LHPP: variants seen among roughly 807,000 people sequenced by gnomAD.
LHPP encodes hLHPP.
A neutral mutation model predicts 30.3 loss-of-function variants in LHPP; 24 were observed. The ratio of observed to expected loss-of-function variants is 0.79; its 90% CI spans 0.57 to 1.11. The LOEUF (loss-of-function observed/expected upper bound fraction) is 1.11, where lower values mean the gene tolerates loss of function less well. Among genes scored for constraint, LHPP ranks in the 50% most tolerant of loss-of-function variants. LHPP has a pLI of 0.00. For synonymous variants in LHPP, 150 were observed against 157.1 expected, an observed-to-expected ratio of 0.95 and a Z score of 0.34; for missense variants, 356 against 367.2, an observed-to-expected ratio of 0.97 and a Z score of 0.25.
At chr10:124,530,572 A>AC (rs1954874537) in intron 6 of LHPP, among the ~76,000 whole-genome samples, 1 of 147,168 alleles carries the variant, frequency 6.8e-6, no homozygotes, top group Admixed American at 6.7e-5. Context: ...TCACGCCCAG[A>AC]CCCCCCCACG....
intron 6 of LHPP, among the ~76,000 whole-genome samples, chr10:124,577,597 G>A (rs1447884001): frequency 9.6e-6 from 1 of 104,574 alleles, no homozygotes; most frequent in Non-Finnish European, 2.3e-5. Flanking sequence ...ATTTTGAAAT[G>A]TCACCCTGTG....
intron 1 of LHPP, among the ~76,000 whole-genome samples, chr10:124,468,094 C>T (rs1048862351): frequency 1.3e-5 from 2 of 152,140 alleles, no homozygotes; most frequent in Non-Finnish European, 2.9e-5. Flanking sequence ...TGGGAAATGT[C>T]ACAGGCTTCT....
chr10:124,612,516 GC>G (rs1270942107), intron 6 of LHPP, among the ~76,000 whole-genome samples: 1 of 152,116 alleles, frequency 6.6e-6, no homozygotes, highest in Non-Finnish European at 1.5e-5. Context: ...GCTCCTGCCT[GC>G]CTTCAGGACT....
At chr10:124,546,706 G>A (rs563418356) in intron 6 of LHPP, among the ~76,000 whole-genome samples, 9 of 152,248 alleles carry the variant, frequency 5.9e-5, no homozygotes, top group South Asian at 2.1e-4. Flanking sequence ...CACCGCGCCC[G>A]CCTCATGCGG....
In LHPP at chr10:124,613,722, A is replaced by C; in HGVS notation, c.*362A>C. 9.6e-6 allele frequency: 3 copies of C among 313,988 alleles called. No homozygotes were observed. Among genetic ancestry groups the C allele is most frequent in the South Asian group, 4.3e-5 (1 of 23,212 alleles). The allele number at this position is 313,988 out of a possible 1,614,324, so 19.5% of individuals were successfully genotyped here. On this transcript the variant is annotated 3_prime_UTR_variant, in exon 7 of 7. Transcript: ENST00000368842. Reference sequence around the variant, plus strand: ...CTCACCACTCACCATGGGCCTTTAAATGCAGTAAACTCCACCTAACCAGAT... The same window carrying C: ...CTCACCACTCACCATGGGCCTTTAACTGCAGTAAACTCCACCTAACCAGAT...
rs533783543 is a variant in LHPP, at chr10:124,607,672, G to A, written c.717-5592G>A. ...ACCTGGGGAAGGTGTCCAAGGAGGG[G>A]GTCCTGGGGGCCAGTCCCCCGGGGG... On this transcript the variant is annotated intron_variant, in intron 6 of 6. Coordinates refer to ENST00000368842, the MANE Select transcript of LHPP (RefSeq NM_022126.4). Among the ~76,000 whole-genome samples, 305 of 152,252 alleles carry A rather than the reference G, an allele frequency of 2.0e-3. 2 individuals carry two copies. Among genetic ancestry groups the A allele is most frequent in the Non-Finnish European group, 2.1e-3 (142 of 68,020 alleles).
At position 124,611,473 on chromosome 10, in the gene LHPP, GC is replaced by G. The variant is rs530636097; in HGVS notation, c.717-1787del. 2.7e-3 allele frequency among the ~76,000 whole-genome samples: 415 copies of G among 152,100 alleles called. 3 individuals carry two copies. Among genetic ancestry groups the G allele is most frequent in the Middle Eastern group, 0.01 (3 of 294 alleles). On this transcript the variant is annotated intron_variant, in intron 6 of 6. Coordinates refer to ENST00000368842, the MANE Select transcript of LHPP (RefSeq NM_022126.4). ...CTGTGCAGGAGGGGAAGCGGCCGTA[GC>G]CCCATACAAGCAGGTGGGCAAGGAA...
intron 5 of LHPP, among the ~76,000 whole-genome samples, chr10:124,508,127 T>C (rs1216390533): frequency 1.3e-5 from 2 of 151,992 alleles, no homozygotes; most frequent in Non-Finnish European, 2.9e-5. Context: ...GGGAGGCTGG[T>C]GAGTGGGGAG....
At chr10:124,570,013 G>A (rs148635797) in intron 6 of LHPP, among the ~76,000 whole-genome samples, 218 of 152,086 alleles carry the variant, frequency 1.4e-3, no homozygotes, top group Admixed American at 5.0e-3. Context: ...GAGCTCACCC[G>A]GCCACTTCCT....
chr10:124,471,214 G>T (rs1231870278), intron 1 of LHPP, among the ~76,000 whole-genome samples: 1 of 151,030 alleles, frequency 6.6e-6, no homozygotes, highest in African/African-American at 2.4e-5. Flanking sequence ...GCGGGCACCT[G>T]CCCCATCACT....
Position 124,544,307 on chromosome 10 carries a change from G to A in LHPP, c.716+27036G>A, listed in dbSNP as rs541983972. 1.6e-3 allele frequency among the ~76,000 whole-genome samples: 244 copies of A among 152,362 alleles called. 1 individual carries two copies. Among genetic ancestry groups the A allele is most frequent in the Non-Finnish European group, 2.4e-3 (164 of 68,038 alleles). On this transcript the variant is annotated intron_variant, in intron 6 of 6. Coordinates refer to ENST00000368842, the MANE Select transcript of LHPP (RefSeq NM_022126.4). Reference sequence around the variant, plus strand: ...AAGACCTCCCCTCTCTGGAACCAGGGGTGGGAGGGACTGTGCTCCCCAGAA... The same window carrying A: ...AAGACCTCCCCTCTCTGGAACCAGGAGTGGGAGGGACTGTGCTCCCCAGAA...
chr10:124,577,109 A>G (rs942922617), intron 6 of LHPP, among the ~76,000 whole-genome samples: 4 of 152,202 alleles, frequency 2.6e-5, no homozygotes, highest in African/African-American at 9.6e-5. Context: ...GAGCTAGGAG[A>G]GCAGAGGCCA....
chr10:124,593,176 C>T lies in LHPP; in HGVS notation c.717-20088C>T, dbSNP rs1230737533. On this transcript the variant is annotated intron_variant, in intron 6 of 6. Transcript: ENST00000368842. The surrounding 1 kb of genome is among the most constrained non-coding windows in gnomAD (Gnocchi z 4.9). ...GATGAAGACAGCACATGCCCCCTGC[C>T]CTGGTCCCTGGATTGCAAGTCCAGA... Among the ~76,000 whole-genome samples, 4 of 151,918 alleles carry T rather than the reference C, an allele frequency of 2.6e-5. No homozygotes were observed. Among genetic ancestry groups the T allele is most frequent in the Non-Finnish European group, 4.4e-5 (3 of 67,964 alleles).
chr10:124,467,827 T>C (rs916132131), intron 1 of LHPP, among the ~76,000 whole-genome samples: 2 of 152,144 alleles, frequency 1.3e-5, no homozygotes, highest in African/African-American at 2.4e-5. Flanking sequence ...GGGATTCTCC[T>C]GCCTCAGAGT....
intron 6 of LHPP, among the ~76,000 whole-genome samples, chr10:124,534,546 T>C (rs1417851864): frequency 6.6e-6 from 1 of 152,218 alleles, no homozygotes; most frequent in Non-Finnish European, 1.5e-5. Context: ...GACCTAACCA[T>C]TGACCTGCCT....
intron 6 of LHPP, among the ~76,000 whole-genome samples, chr10:124,609,523 C>T (rs1384624990): frequency 1.3e-5 from 2 of 152,242 alleles, no homozygotes; most frequent in East Asian, 3.9e-4. Context: ...GGATGACAGG[C>T]GTGAGCTACC....
At chr10:124,528,879 GCCCAGCTGGCCT>G (rs1954810829) in intron 6 of LHPP, among the ~76,000 whole-genome samples, 1 of 152,154 alleles carries the variant, frequency 6.6e-6, no homozygotes, top group African/African-American at 2.4e-5. Flanking sequence ...CTCTCCTGAT[GCCCAGCTGGCCT>G]CCCAGCGTCA....
intron 3 of LHPP, chr10:124,489,877 G>T: frequency 5.0e-6 from 1 of 199,776 alleles, no homozygotes; most frequent in South Asian, 7.7e-5. Flanking sequence ...ACTGAAATTC[G>T]GTTGCTGACC....
At chr10:124,516,968 T>C (rs11245253) in intron 5 of LHPP, among the ~76,000 whole-genome samples, 14,718 of 152,170 alleles carry the variant, frequency 0.097, 1,046 homozygotes, top group South Asian at 0.31. Flanking sequence ...AGATATATAC[T>C]GTTCAAAGCT....
Sources: gnomAD v4.1 joint callset for allele counts (sites outside exome capture counted in the v4.1 genomes callset) on GRCh38, gnomAD v4.1.1 for gene constraint, Gnocchi (gnomAD v3.1) non-coding constraint, MANE v1.5 for transcripts, NCBI Gene and HGNC (gene_info 2026-07-23, HGNC 2026-07-21) for gene names.